The following MYO1E variants were observed in gnomAD, a reference collection of about 807,000 sequenced individuals.
MYO1E encodes myosin IE.
In MYO1E, 68 loss-of-function variants were observed where a neutral mutation model predicts 151.1. The observed-to-expected ratio is 0.45, with a 90% CI of 0.37 to 0.55. MYO1E has a LOEUF of 0.55. Among genes scored for constraint, MYO1E ranks in the 20% least tolerant of loss-of-function variants. MYO1E has a pLI of 0.00. For synonymous variants in MYO1E, 601 were observed against 501.7 expected, an observed-to-expected ratio of 1.20 and a Z score of -2.64; for missense variants, 1,363 against 1,389.3, an observed-to-expected ratio of 0.98 and a Z score of 0.30.
At chr15:59,137,838 G>A (rs2079382399) in intron 27 of MYO1E, among the ~76,000 whole-genome samples, 1 of 152,196 alleles carries the variant, frequency 6.6e-6, no homozygotes, top group African/African-American at 2.4e-5. Flanking sequence ...TGGACACATG[G>A]CTAATTTGGT....
chr15:59,296,714 C>T (rs1259576180), intron 1 of MYO1E, among the ~76,000 whole-genome samples: 1 of 152,042 alleles, frequency 6.6e-6, no homozygotes, highest in East Asian at 1.9e-4. Flanking sequence ...GTAAAGCAGA[C>T]AACTGGGTTT....
At chr15:59,361,690 CTCA>C (rs1476878204) in intron 1 of MYO1E, among the ~76,000 whole-genome samples, 3 of 152,120 alleles carry the variant, frequency 2.0e-5, no homozygotes, top group Non-Finnish European at 4.4e-5. Context: ...TTAATAATAT[CTCA>C]TCATATTTGC....
rs1333969501 is a variant in MYO1E at position 59,144,463 on chromosome 15, G to A, written c.3081-6096C>T. On this transcript the variant is annotated intron_variant, in intron 26 of 27. Transcript: ENST00000288235. ...ATTACAGTTGTGAGCCAATGCGCCC[G>A]GCCTCTTTATTTTTAGAGATGAAGT... Among the ~76,000 whole-genome samples the A allele has an allele frequency of 1.3e-4, 20 of 152,092 alleles. No individual in the cohort carries two copies. In the East Asian group the frequency reaches 1.7e-3, roughly 13 times the overall value.
At position 59,218,093 on chromosome 15, in the gene MYO1E, GA is replaced by G; in HGVS notation, c.911-7del. 1 of 1,614,024 alleles carries G rather than the reference GA, an allele frequency of 6.2e-7. No individual in the cohort carries two copies. Among genetic ancestry groups the G allele is most frequent in the South Asian group, 1.1e-5 (1 of 91,060 alleles). On this transcript the variant is annotated splice_region_variant and splice_polypyrimidine_tract_variant and intron_variant, in intron 9 of 27. Coordinates refer to ENST00000288235, the MANE Select transcript of MYO1E (RefSeq NM_004998.4). ...ATATGCAGGAAAAGCTAAAACTGTA[GA>G]ACATAAAACAAAACATGACAATCTT...
intron 14 of MYO1E, chr15:59,208,294 C>A: frequency 1.7e-6 from 1 of 577,560 alleles, no homozygotes; most frequent in Non-Finnish European, 3.0e-6. Context: ...ATTTTTGGTA[C>A]CTCTGATGTA....
At chr15:59,368,283 G>A (rs1314978407) in intron 1 of MYO1E, among the ~76,000 whole-genome samples, 1 of 152,172 alleles carries the variant, frequency 6.6e-6, no homozygotes, top group Admixed American at 6.5e-5. Context: ...TTACTCTCTA[G>A]AGGCCAGCCT....
intron 3 of MYO1E, among the ~76,000 whole-genome samples, chr15:59,260,402 C>A (rs2080218297): frequency 6.6e-6 from 1 of 152,212 alleles, no homozygotes; most frequent in Non-Finnish European, 1.5e-5. Context: ...ATGGGGTGGG[C>A]TCTTGCTCTG....
intron 22 of MYO1E, among the ~76,000 whole-genome samples, chr15:59,168,366 G>C (rs2140314054): frequency 6.6e-6 from 1 of 151,964 alleles, no homozygotes; most frequent in African/African-American, 2.4e-5. Flanking sequence ...GGTAACATGG[G>C]GAAACCGTGT....
intron 1 of MYO1E, among the ~76,000 whole-genome samples, chr15:59,328,500 A>G (rs2080679870): frequency 1.3e-5 from 2 of 151,368 alleles, no homozygotes; most frequent in Admixed American, 1.3e-4. Context: ...ATGAAACCCC[A>G]GTTGTGTTGT....
At chr15:59,195,615 G>T in intron 16 of MYO1E, 48 bp from the exon 17 acceptor site, 2 of 1,509,220 alleles carry the variant, frequency 1.3e-6, no homozygotes, top group South Asian at 1.1e-5. Flanking sequence ...CTCTAAAGAA[G>T]ACCAAATTTC....
chr15:59,215,549 TGGTGGGGGATGCAGTGGGG>T (rs2079908219), intron 10 of MYO1E, among the ~76,000 whole-genome samples: 1 of 152,012 alleles, frequency 6.6e-6, no homozygotes, highest in Admixed American at 6.6e-5. Context: ...ATAGAGCGGT[TGGTGGGGGATGCAGTGGGG>T]GAGGAATGTA....
intron 2 of MYO1E, among the ~76,000 whole-genome samples, chr15:59,267,435 C>T (rs1596392434): frequency 6.6e-6 from 1 of 152,304 alleles, no homozygotes; most frequent in East Asian, 1.9e-4. Flanking sequence ...GTTGACTTCC[C>T]CAGAGTCACG....
rs76437403 is a variant in MYO1E at position 59,151,448 on chromosome 15, C to G, written c.3080+2142G>C. 6.6e-5 allele frequency among the ~76,000 whole-genome samples: 10 copies of G among 151,880 alleles called. No individual in the cohort carries two copies. The East Asian group carries it at 1.9e-3, about 30-fold the overall frequency. On this transcript the variant is annotated intron_variant, in intron 26 of 27. Coordinates refer to ENST00000288235, the MANE Select transcript of MYO1E (RefSeq NM_004998.4). ...CATCTCAAACAAACAAAAAACCCCC[C>G]CCAAAAAAACCAACTAAGGTGCTTT...
chr15:59,186,373 ACTT>A (rs1331817204), intron 18 of MYO1E, among the ~76,000 whole-genome samples: 11 of 151,410 alleles, frequency 7.3e-5, no homozygotes, highest in African/African-American at 1.7e-4. Flanking sequence ...ACAGTAATTA[ACTT>A]CTTCTTCAGT....
chr15:59,281,566 G>A (rs1489870781), intron 1 of MYO1E, among the ~76,000 whole-genome samples: 2 of 149,124 alleles, frequency 1.3e-5, no homozygotes, highest in African/African-American at 4.9e-5. Flanking sequence ...GTGAGCCACC[G>A]CGCCCGGCCC....
chr15:59,337,160 A>G (rs2080734275), intron 1 of MYO1E, among the ~76,000 whole-genome samples: 1 of 152,180 alleles, frequency 6.6e-6, no homozygotes, highest in African/African-American at 2.4e-5. Flanking sequence ...ATTATTATGA[A>G]TATTTCCGTT....
chr15:59,151,992 C>T (rs138214412), intron 26 of MYO1E, among the ~76,000 whole-genome samples: 11,279 of 151,858 alleles, frequency 0.074, 410 homozygotes, highest in Middle Eastern at 0.095. Context: ...CGCTTGAACC[C>T]GGGAGGCAGA....
chr15:59,292,031 A>T (rs1387874012), intron 1 of MYO1E, among the ~76,000 whole-genome samples: 3 of 152,208 alleles, frequency 2.0e-5, no homozygotes, highest in African/African-American at 7.2e-5. Flanking sequence ...AGCTAAATTC[A>T]GCTTTTTAAA....
intron 10 of MYO1E, 123 bp from the exon 11 acceptor site, chr15:59,214,843 C>A: frequency 1.3e-6 from 1 of 788,288 alleles, no homozygotes; most frequent in South Asian, 1.4e-5. Flanking sequence ...AAACAGAGGA[C>A]AAGTGAAGGC....
Sources: allele counts gnomAD v4.1 joint callset (sites outside exome capture counted in the v4.1 genomes callset), GRCh38; gene constraint gnomAD v4.1.1; transcripts MANE v1.5; gene names NCBI Gene and HGNC (gene_info 2026-07-23, HGNC 2026-07-21).